Variants in GRIK2 observed in about 807,000 individuals in gnomAD.
GRIK2 encodes the protein glutamate ionotropic receptor kainate type subunit 2.
In GRIK2, 32 loss-of-function variants were observed where a neutral mutation model predicts 100.3. That is an observed-to-expected ratio of 0.32 (90% CI 0.24 to 0.43). The LOEUF (loss-of-function observed/expected upper bound fraction) is 0.43. Among genes scored for constraint, GRIK2 ranks in the 20% least tolerant of loss-of-function variants. The pLI, the probability that GRIK2 is intolerant of heterozygous loss-of-function variation, is 1.00. For synonymous variants in GRIK2, 417 were observed against 389.4 expected, an observed-to-expected ratio of 1.07 and a Z score of -0.83; for missense variants, 843 against 1,114.9, an observed-to-expected ratio of 0.76 and a Z score of 3.47.
chr6:101,620,706 A>C (rs1780113621), intron 2 of GRIK2, among the ~76,000 whole-genome samples: 1 of 152,176 alleles, frequency 6.6e-6, no homozygotes, highest in Admixed American at 6.6e-5. Flanking sequence ...GTGAAATTTG[A>C]AAGGAAGAAA....
At chr6:101,786,341 T>A (rs901799427) in intron 7 of GRIK2, among the ~76,000 whole-genome samples, 1 of 152,066 alleles carries the variant, frequency 6.6e-6, no homozygotes, top group East Asian at 1.9e-4. Flanking sequence ...CTTTGTTGAA[T>A]AGGAGTTGTA....
chr6:101,442,122 C>G (rs1770103626), intron 2 of GRIK2, among the ~76,000 whole-genome samples: 1 of 152,034 alleles, frequency 6.6e-6, no homozygotes, highest in Admixed American at 6.6e-5. Flanking sequence ...AGCATGAAAC[C>G]CCGGCTTTGG....
At chr6:101,589,244 A>G (rs1457411484) in intron 2 of GRIK2, among the ~76,000 whole-genome samples, 1 of 152,162 alleles carries the variant, frequency 6.6e-6, no homozygotes, top group Non-Finnish European at 1.5e-5. Context: ...GTATGTATAC[A>G]TTGTGGAGTG....
intron 12 of GRIK2, among the ~76,000 whole-genome samples, chr6:101,923,712 G>A (rs1434829002): frequency 6.6e-6 from 1 of 151,984 alleles, no homozygotes; most frequent in Non-Finnish European, 1.5e-5. Flanking sequence ...TCTGAGCTCA[G>A]GAGTTTGAGA....
At chr6:101,674,336 T>G (rs1024073647) in intron 4 of GRIK2, among the ~76,000 whole-genome samples, 1 of 152,216 alleles carries the variant, frequency 6.6e-6, no homozygotes, top group Non-Finnish European at 1.5e-5. Flanking sequence ...CTCCACAGAT[T>G]ACTGCCACAC....
At chr6:101,671,568 T>TA (rs1349214135) in intron 4 of GRIK2, among the ~76,000 whole-genome samples, 4 of 151,906 alleles carry the variant, frequency 2.6e-5, no homozygotes, top group Non-Finnish European at 5.9e-5. Context: ...GAATGGAAGT[T>TA]AAAAAAACAA....
At chr6:101,557,122 A>G (rs1019483716) in intron 2 of GRIK2, among the ~76,000 whole-genome samples, 15 of 152,180 alleles carry the variant, frequency 9.9e-5, no homozygotes, top group Admixed American at 9.8e-4. Flanking sequence ...TTTGGAATGA[A>G]TATAGTCTAA....
At chr6:101,761,206 T>A (rs9390779) in intron 7 of GRIK2, among the ~76,000 whole-genome samples, 45,390 of 151,988 alleles carry the variant, frequency 0.3, 9,652 homozygotes, top group East Asian at 0.63. Flanking sequence ...GGCCACTATC[T>A]TTGAATTCCA....
intron 2 of GRIK2, among the ~76,000 whole-genome samples, chr6:101,594,392 G>A (rs536102906): frequency 6.6e-6 from 1 of 151,852 alleles, no homozygotes; most frequent in Admixed American, 6.6e-5. Flanking sequence ...ATATCCTCCT[G>A]GAGTTATATT....
At chr6:101,891,460 T>C (rs575218013) in intron 12 of GRIK2, 6 of 303,744 alleles carry the variant, frequency 2.0e-5, no homozygotes, top group African/African-American at 1.4e-4. Context: ...GAGGTTGCAG[T>C]AAGCCGAGAT....
In GRIK2 at chr6:101,799,635, C is replaced by T; in HGVS notation, c.952-13C>T. ...TATATTGACTATAAATTTCCCTTTCCCTTGCTTTTCAGACTGATGCTGCTC... is the reference window on the plus strand; with the variant it reads ...TATATTGACTATAAATTTCCCTTTCTCTTGCTTTTCAGACTGATGCTGCTC... On this transcript the variant is annotated splice_polypyrimidine_tract_variant and intron_variant, in intron 7 of 16. Coordinates refer to ENST00000369134, the MANE Select transcript of GRIK2 (RefSeq NM_021956.5). The T allele has an allele frequency of 6.2e-7, 1 of 1,610,008 alleles. No individual in the cohort carries two copies. The highest frequency in any genetic ancestry group is 8.5e-7 in the Non-Finnish European group (1 of 1,176,458).
chr6:101,912,958 T>C (rs1788852218), intron 12 of GRIK2, among the ~76,000 whole-genome samples: 1 of 151,564 alleles, frequency 6.6e-6, no homozygotes, highest in South Asian at 2.1e-4. Context: ...TTGTTTATTT[T>C]TCAGAAAAAT....
At chr6:101,901,055 A>G (rs1787815788) in intron 12 of GRIK2, among the ~76,000 whole-genome samples, 1 of 152,116 alleles carries the variant, frequency 6.6e-6, no homozygotes, top group Non-Finnish European at 1.5e-5. Flanking sequence ...ACTGCAAGCT[A>G]AACATTTGCT....
chr6:101,557,854 T>C lies in GRIK2; in HGVS notation c.116-64095T>C, dbSNP rs184530247. 3.3e-5 allele frequency among the ~76,000 whole-genome samples: 5 copies of C among 152,334 alleles called. No homozygotes were observed. In the East Asian group the frequency reaches 9.6e-4, roughly 29 times the overall value. ...AACATTACACAATCATGCCTATTAT[T>C]TCACTGCTTATGTATATTCTCTCAG... On this transcript the variant is annotated intron_variant, in intron 2 of 16. Coordinates refer to ENST00000369134, the MANE Select transcript of GRIK2 (RefSeq NM_021956.5).
At chr6:101,988,090 A>AGTGTGTGTGTGT (rs57491735) in intron 14 of GRIK2, among the ~76,000 whole-genome samples, 9 of 141,426 alleles carry the variant, frequency 6.4e-5, no homozygotes, top group Non-Finnish European at 1.1e-4. Flanking sequence ...CCAGTATTAT[A>AGTGTGTGTGTGT]GTGTGTGTGT....
At chr6:101,732,803 C>G (rs897224226) in intron 7 of GRIK2, among the ~76,000 whole-genome samples, 1 of 151,946 alleles carries the variant, frequency 6.6e-6, no homozygotes, top group African/African-American at 2.4e-5. Context: ...CTTGATCTGC[C>G]CTATGCAGAC....
chr6:101,923,834 T>C (rs1182472824), intron 12 of GRIK2, among the ~76,000 whole-genome samples: 1 of 149,566 alleles, frequency 6.7e-6, no homozygotes, highest in African/African-American at 2.5e-5. Context: ...GGCAGGAGAA[T>C]CGCTTGAACC....
intron 10 of GRIK2, among the ~76,000 whole-genome samples, chr6:101,854,486 C>G (rs1277367251): frequency 6.6e-6 from 1 of 151,994 alleles, no homozygotes; most frequent in Non-Finnish European, 1.5e-5. Flanking sequence ...TCTCAAACTT[C>G]TGACCTCATG....
intron 12 of GRIK2, among the ~76,000 whole-genome samples, chr6:101,922,115 CCTT>C (rs1280962346): frequency 0.027 from 433 of 16,290 alleles, 13 homozygotes; most frequent in African/African-American, 0.095. Flanking sequence ...TTCCTTCCTT[CCTT>C]CCTTCCTTCC....
Sources: allele counts gnomAD v4.1 joint callset (sites outside exome capture counted in the v4.1 genomes callset), GRCh38; gene constraint gnomAD v4.1.1; transcripts MANE v1.5; gene names NCBI Gene and HGNC (gene_info 2026-07-23, HGNC 2026-07-21).